SH3GL3: variants seen among roughly 807,000 people sequenced by gnomAD.
The protein encoded by SH3GL3 is endophilin-A3.
In SH3GL3, 33 loss-of-function variants were observed where a neutral mutation model predicts 47.7. The ratio of observed to expected loss-of-function variants is 0.69; its 90% CI spans 0.52 to 0.92. The LOEUF is 0.92. Among genes scored for constraint, SH3GL3 ranks in the 40% least tolerant of loss-of-function variants. The probability of loss-of-function intolerance (pLI) is 0.00; values close to 1 mark genes in which losing one functional copy is unlikely to be tolerated. For missense variants in SH3GL3, 363 were observed against 417.8 expected, an observed-to-expected ratio of 0.87 and a Z score of 1.14; for synonymous variants, 155 against 148.8, an observed-to-expected ratio of 1.04 and a Z score of -0.30.
At chr15:83,460,432 C>T (rs557374265) in intron 1 of SH3GL3, among the ~76,000 whole-genome samples, 105 of 152,116 alleles carry the variant, frequency 6.9e-4, no homozygotes, top group Non-Finnish European at 1.2e-3. Context: ...CATACTTTTC[C>T]AGTGTCTAAT....
intron 8 of SH3GL3, chr15:83,609,458 C>A (rs910545287): frequency 1.0e-5 from 4 of 386,460 alleles, no homozygotes; most frequent in South Asian, 7.7e-5. Flanking sequence ...GACAAAGAGC[C>A]CTACTCAGGT....
chr15:83,531,312 A>G (rs192565116), intron 1 of SH3GL3, among the ~76,000 whole-genome samples: 1 of 152,234 alleles, frequency 6.6e-6, no homozygotes, highest in Non-Finnish European at 1.5e-5. Context: ...TAAGCTTTTA[A>G]TGTATTCAGG....
the SH3GL3 span, among the ~76,000 whole-genome samples, chr15:83,632,259 T>G: frequency 6.6e-6 from 1 of 152,208 alleles, no homozygotes. Context: ...TTCTGAGCCC[T>G]CCAAACTGTT....
intron 1 of SH3GL3, among the ~76,000 whole-genome samples, chr15:83,524,105 G>T (rs2043320870): frequency 6.6e-6 from 1 of 152,170 alleles, no homozygotes; most frequent in Admixed American, 6.5e-5. Flanking sequence ...AATATGGTTG[G>T]TGTAAGAGAA....
At chr15:83,601,657 CT>C (rs1261408031) in intron 8 of SH3GL3, among the ~76,000 whole-genome samples, 2 of 151,734 alleles carry the variant, frequency 1.3e-5, no homozygotes. Flanking sequence ...CTGTAGTTTT[CT>C]TTTTTTTCTA....
chr15:83,633,159 C>G, the SH3GL3 span, among the ~76,000 whole-genome samples: 2 of 151,956 alleles, frequency 1.3e-5, no homozygotes, highest in Non-Finnish European at 2.9e-5. Flanking sequence ...ATGCAAAATA[C>G]TCAAGGCATT....
rs570345903 is a variant in SH3GL3, at chr15:83,505,831, G to T, written c.46-53422G>T. Among the ~76,000 whole-genome samples, 20 of 152,214 alleles carry T rather than the reference G, an allele frequency of 1.3e-4. No homozygotes were observed. The South Asian group carries it at 4.2e-3, about 32-fold the overall frequency. On this transcript the variant is annotated intron_variant, in intron 1 of 8. Coordinates refer to ENST00000427482, the MANE Select transcript of SH3GL3 (RefSeq NM_003027.5). ...AGGCATGAGCCACTGCGTCCGGCCT[G>T]AATTTCCTTTTTAGTGACATGCTTG...
At chr15:83,556,118 A>T (rs1488723751) in intron 1 of SH3GL3, among the ~76,000 whole-genome samples, 1 of 152,230 alleles carries the variant, frequency 6.6e-6, no homozygotes, top group East Asian at 1.9e-4. Context: ...AGCTTCCAGC[A>T]CCTAGAGGAA....
At chr15:83,546,933 G>A (rs2562773) in intron 1 of SH3GL3, among the ~76,000 whole-genome samples, 121,371 of 152,090 alleles carry the variant, frequency 0.8, 49,368 homozygotes, top group African/African-American at 0.85. Context: ...TGCAAGACAA[G>A]GTCCTCTTTA....
At chr15:83,606,046 G>GTT (rs35498646) in intron 8 of SH3GL3, among the ~76,000 whole-genome samples, 67 of 148,794 alleles carry the variant, frequency 4.5e-4, no homozygotes, top group Middle Eastern at 3.5e-3. Flanking sequence ...TTTTTATGAA[G>GTT]TTTTTTTTTT....
intron 1 of SH3GL3, among the ~76,000 whole-genome samples, chr15:83,520,464 A>G (rs1314435184): frequency 6.6e-6 from 1 of 152,202 alleles, no homozygotes; most frequent in African/African-American, 2.4e-5. Flanking sequence ...GTCATTTTCT[A>G]TGCTGAAACT....
intron 5 of SH3GL3, among the ~76,000 whole-genome samples, chr15:83,574,930 A>G (rs1003247807): frequency 2.6e-5 from 4 of 152,116 alleles, no homozygotes; most frequent in Admixed American, 6.5e-5. Flanking sequence ...CCTCTGTGTC[A>G]TGAGCACCGT....
chr15:83,558,505 A>ATG (rs1491406302), intron 1 of SH3GL3, among the ~76,000 whole-genome samples: 1 of 79,316 alleles, frequency 1.3e-5, no homozygotes, highest in Non-Finnish European at 2.7e-5. Context: ...GTGTGTGTAT[A>ATG]TGTGTGTGTG....
At chr15:83,620,383 A>G (rs953165297), downstream of SH3GL3, among the ~76,000 whole-genome samples, 2 of 152,232 alleles carry the variant, frequency 1.3e-5, no homozygotes, top group Non-Finnish European at 2.9e-5. Context: ...TGGTAGCTGT[A>G]GCCTTACAAG....
chr15:83,598,514 C>T (rs996817604), intron 8 of SH3GL3, among the ~76,000 whole-genome samples: 6 of 152,168 alleles, frequency 3.9e-5, no homozygotes, highest in African/African-American at 7.2e-5. Flanking sequence ...GGATTTGGTA[C>T]ATGAAAGGAA....
chr15:83,575,574 CA>C (rs1411014218), intron 5 of SH3GL3, among the ~76,000 whole-genome samples: 2 of 152,154 alleles, frequency 1.3e-5, no homozygotes, highest in Non-Finnish European at 2.9e-5. Flanking sequence ...GGGGCCTGTT[CA>C]TTTGACATAC....
chr15:83,541,194 C>T (rs1248931557), intron 1 of SH3GL3, among the ~76,000 whole-genome samples: 3 of 151,918 alleles, frequency 2.0e-5, no homozygotes, highest in African/African-American at 4.8e-5. Flanking sequence ...AGATTGATTC[C>T]AAATCTTGGC....
At chr15:83,587,525 TAAAAAAAAAAAA>T (rs35935527) in intron 7 of SH3GL3, among the ~76,000 whole-genome samples, 1 of 105,032 alleles carries the variant, frequency 9.5e-6, no homozygotes, top group Non-Finnish European at 1.9e-5. Context: ...TAAATATCTG[TAAAAAAAAAAAA>T]AAAAAAAAAA....
downstream of SH3GL3, among the ~76,000 whole-genome samples, chr15:83,621,182 C>G (rs140624924): frequency 4.8e-4 from 73 of 152,348 alleles, no homozygotes; most frequent in African/African-American, 1.7e-3. Flanking sequence ...ACTGGAGCAG[C>G]ACTTTTAATT....
Sources: allele counts gnomAD v4.1 joint callset (sites outside exome capture counted in the v4.1 genomes callset), GRCh38; gene constraint gnomAD v4.1.1; transcripts MANE v1.5; gene names NCBI Gene and HGNC (gene_info 2026-07-23, HGNC 2026-07-21).